CLECL1: variants seen among roughly 807,000 people sequenced by gnomAD.
CLECL1 encodes C-type lectin-like domain family 1.
chr12:9,705,058 A>C, the CLECL1 span, among the ~76,000 whole-genome samples: 1 of 152,096 alleles, frequency 6.6e-6, no homozygotes, highest in African/African-American at 2.4e-5. Flanking sequence ...TTTCAACACA[A>C]CCTTGCCAAC....
At chr12:9,733,824 T>G (rs1866484316), upstream of CLECL1, among the ~76,000 whole-genome samples, 1 of 152,184 alleles carries the variant, frequency 6.6e-6, no homozygotes, top group Non-Finnish European at 1.5e-5. Flanking sequence ...TAAAATTGAA[T>G]TAAGTGAATA....
At chr12:9,716,888 T>C (rs529840571) in intron 2 of CLECL1, 149 of 499,408 alleles carry the variant, frequency 3.0e-4, no homozygotes, top group Non-Finnish European at 4.5e-4. Context: ...CTAGACTCCA[T>C]CTTAGAATCA....
the CLECL1 span, among the ~76,000 whole-genome samples, chr12:9,703,671 A>T: frequency 1.3e-5 from 2 of 152,194 alleles, no homozygotes; most frequent in Non-Finnish European, 2.9e-5. Context: ...CTTGGATTAT[A>T]GTTGTGAGCC....
At chr12:9,719,160 T>A (rs1866276195), downstream of CLECL1, among the ~76,000 whole-genome samples, 1 of 152,142 alleles carries the variant, frequency 6.6e-6, no homozygotes, top group Non-Finnish European at 1.5e-5. Flanking sequence ...TAGAGCCAGG[T>A]GCGGTGGCTC....
At chr12:9,703,587 G>A in the CLECL1 span, among the ~76,000 whole-genome samples, 2 of 152,024 alleles carry the variant, frequency 1.3e-5, no homozygotes, top group African/African-American at 2.4e-5. Context: ...TAGAGACAGA[G>A]TTACACCGTG....
At chr12:9,732,881 A>G (rs746360704) in intron 1 of CLECL1, 68 bp downstream of exon 1, 77 of 1,306,058 alleles carry the variant, frequency 5.9e-5, no homozygotes, top group Non-Finnish European at 7.4e-5. Flanking sequence ...AATTAGATAC[A>G]TAAGAAAGAA....
chr12:9,733,304 C>G (rs776756337), upstream of CLECL1: 4 of 1,371,206 alleles, frequency 2.9e-6, 1 homozygote, highest in South Asian at 1.3e-5. Flanking sequence ...TCTGCCTAAA[C>G]TTGAAATGCT....
chr12:9,732,486 G>A (rs10844622), intron 1 of CLECL1, among the ~76,000 whole-genome samples: 83,118 of 152,034 alleles, frequency 0.55, 23,206 homozygotes, highest in African/African-American at 0.65. Context: ...TAAATCTAAC[G>A]TTTCATGTTT....
chr12:9,705,189 G>T, the CLECL1 span, among the ~76,000 whole-genome samples: 1 of 151,670 alleles, frequency 6.6e-6, no homozygotes. Flanking sequence ...TCATATAATT[G>T]TTGGCCACAT....
the CLECL1 span, among the ~76,000 whole-genome samples, chr12:9,702,560 G>T: frequency 6.6e-6 from 1 of 152,098 alleles, no homozygotes; most frequent in Admixed American, 6.5e-5. Context: ...AGGATGTGTG[G>T]CTCTTGCTTG....
exon 3 of CLECL1, chr12:9,716,551 A>G (rs1866241170): frequency 4.2e-6 from 1 of 236,606 alleles, no homozygotes; most frequent in South Asian, 4.7e-5. Context: ...AATAACCTGG[A>G]AATTGATTGT....
At chr12:9,723,271 C>A (rs1866336315) in intron 3 of CLECL1, among the ~76,000 whole-genome samples, 2 of 152,186 alleles carry the variant, frequency 1.3e-5, no homozygotes, top group South Asian at 4.1e-4. Context: ...CAAATAGGTT[C>A]ATCTCTATTA....
At chr12:9,708,231 A>G in the CLECL1 span, among the ~76,000 whole-genome samples, 1 of 152,182 alleles carries the variant, frequency 6.6e-6, no homozygotes, top group African/African-American at 2.4e-5. Context: ...AGGAGGGCCC[A>G]CTTGCACTAA....
chr12:9,733,112 T>G (rs1330959128), upstream of CLECL1: 1 of 1,492,408 alleles, frequency 6.7e-7, no homozygotes. Flanking sequence ...AAACTTCTGA[T>G]AAGTAAATTG....
exon 3 of CLECL1, chr12:9,716,037 C>T (rs967852267): frequency 1.3e-5 from 2 of 152,278 alleles, no homozygotes; most frequent in Admixed American, 6.5e-5. Context: ...CCCCTGGTTT[C>T]CACTCATCCA....
intron 2 of CLECL1, among the ~76,000 whole-genome samples, chr12:9,717,163 C>T (rs770772622): frequency 1.9e-4 from 29 of 152,304 alleles, no homozygotes; most frequent in African/African-American, 6.7e-4. Flanking sequence ...GTAATCCTAG[C>T]GCTTTGGGAG....
intron 1 of CLECL1, 110 bp downstream of exon 1, chr12:9,732,839 C>T: frequency 4.6e-6 from 4 of 861,328 alleles, no homozygotes; most frequent in Non-Finnish European, 7.0e-6. Context: ...ATGAATTTTG[C>T]TTTGAATCCA....
At chr12:9,729,965 T>G (rs1232011449) in intron 1 of CLECL1, among the ~76,000 whole-genome samples, 1 of 152,242 alleles carries the variant, frequency 6.6e-6, no homozygotes, top group Non-Finnish European at 1.5e-5. Flanking sequence ...TATAAGACTG[T>G]GAAACCCTCA....
At chr12:9,704,880 G>A in the CLECL1 span, among the ~76,000 whole-genome samples, 2,438 of 152,158 alleles carry the variant, frequency 0.016, 57 homozygotes, top group African/African-American at 0.052. Flanking sequence ...ATATGTGTGC[G>A]TGTGTAGTTA....
Sources: allele counts gnomAD v4.1 joint callset (sites outside exome capture counted in the v4.1 genomes callset), GRCh38; gene constraint gnomAD v4.1.1; transcripts MANE v1.5; gene names NCBI Gene and HGNC (gene_info 2026-07-23, HGNC 2026-07-21).